The following CLEC4E variants were observed in gnomAD, a reference collection of about 807,000 sequenced individuals.
CLEC4E encodes the protein C-type lectin domain family 4 member E, also known as C-type (calcium dependent, carbohydrate-recognition domain) lectin, superfamily member 9.
In CLEC4E, 21 loss-of-function variants were observed where a neutral mutation model predicts 24.7. The observed-to-expected ratio is 0.85, with a 90% confidence interval of 0.60 to 1.22. CLEC4E has a LOEUF of 1.22. Among genes scored for constraint, CLEC4E ranks in the 50% most tolerant of loss-of-function variants. CLEC4E has a pLI of 0.00. For missense variants in CLEC4E, 249 were observed against 254.1 expected (o/e 0.98, Z 0.14); for synonymous variants, 94 against 85.7 (o/e 1.10, Z -0.54).
chr12:8,537,177 T>C lies in CLEC4E; in HGVS notation c.310A>G (p.Ser104Gly), dbSNP rs1342101710. 1 of 1,614,166 alleles carries C rather than the reference T, an allele frequency of 6.2e-7. No individual in the cohort carries two copies. Among genetic ancestry groups the C allele is most frequent in the Non-Finnish European group, 8.5e-7 (1 of 1,179,994 alleles). Residue 104 changes from serine to glycine, a missense_variant, in exon 4 of 6, where the codon AGT becomes GGT. Physicochemically the swap from Ser to Gly is moderately conservative, Grantham distance 56. Coordinates refer to ENST00000299663, the MANE Select transcript of CLEC4E (RefSeq NM_014358.4). The stretch of plus-strand genomic sequence containing the variant: ...CCCATGGCTGAGCAGTTCTTTAAAC[T>C]TAACGCCCAGGAAATGGTGTCAGTA... ...FSTDTISWALSLKNCSAMGAH... is the reference protein window; with the variant it reads ...FSTDTISWALGLKNCSAMGAH...
chr12:8,534,945 T>A (rs1408771167), intron 5 of CLEC4E, 136 bp from the exon 6 acceptor site: 1 of 692,202 alleles, frequency 1.4e-6, no homozygotes, highest in Admixed American at 3.4e-5. Flanking sequence ...GTCCATTTTA[T>A]TGAAGAAGAA....
chr12:8,540,822 T>C lies in CLEC4E; in HGVS notation c.-25A>G, dbSNP rs11834597. 264,710 of 1,475,384 alleles carry C rather than the reference T, an allele frequency of 0.18. 26,710 individuals carry two copies. The highest frequency in any genetic ancestry group is 0.45 in the African/African-American group (29,697 of 66,202). 91.4% of individuals were successfully genotyped at this position (1,475,384 alleles called of 1,614,324 possible). A position where few individuals can be genotyped will look rare whatever the true frequency, so the allele number is the denominator to read the frequency against. ...TTTTTTCTCTCTCTTTGGTTTTTTG[T>C]TTCTCTCTCTCTCTTTTTCTCTCCC... On this transcript the variant is annotated 5_prime_UTR_variant, in exon 1 of 6. Coordinates refer to ENST00000299663, the MANE Select transcript of CLEC4E (RefSeq NM_014358.4).
chr12:8,538,469 A>G (rs992470719), intron 3 of CLEC4E, among the ~76,000 whole-genome samples: 3 of 152,170 alleles, frequency 2.0e-5, no homozygotes, highest in South Asian at 4.1e-4. Flanking sequence ...CTTACCTATC[A>G]TTGGAGATGA....
At position 8,537,121 on chromosome 12, in the gene CLEC4E, C is replaced by T; in HGVS notation, c.366G>A (p.Glu122=). 1 of 1,611,284 alleles carries T rather than the reference C, an allele frequency of 6.2e-7. No homozygotes were observed. Among genetic ancestry groups the T allele is most frequent in the Non-Finnish European group, 8.5e-7 (1 of 1,178,140 alleles). ...ATCGGAGGACTCCAGCTACCTGCTC[C>T]TCCTGTGAGTTGATAACCACCAGGT... The part of the protein sequence containing the change: ...GAHLVVINSQ[E]EQEFLSYKKP... Residue 122 remains glutamate, a synonymous_variant, in exon 4 of 6, where the codon GAG becomes GAA. Coordinates refer to ENST00000299663, the MANE Select transcript of CLEC4E (RefSeq NM_014358.4).
chr12:8,539,511 A>G (rs1321085789), intron 2 of CLEC4E, among the ~76,000 whole-genome samples: 3 of 152,164 alleles, frequency 2.0e-5, no homozygotes, highest in African/African-American at 7.2e-5. Context: ...TCCAAAAGTA[A>G]TTAGTCATAT....
At chr12:8,536,017 C>G (rs1412476264) in intron 5 of CLEC4E, 73 bp downstream of exon 5, 3 of 850,762 alleles carry the variant, frequency 3.5e-6, no homozygotes, top group Non-Finnish European at 5.9e-6. Context: ...ATACCACCAC[C>G]AATAATGGAC....
At chr12:8,539,632 T>C (rs1940668027) in intron 2 of CLEC4E, among the ~76,000 whole-genome samples, 1 of 151,836 alleles carries the variant, frequency 6.6e-6, no homozygotes, top group Non-Finnish European at 1.5e-5. Flanking sequence ...AAGTGAAAAA[T>C]GTCTATCATG....
At position 8,536,023 on chromosome 12, in the gene CLEC4E, T is replaced by C. The variant is rs1940607440; in HGVS notation, c.488+67A>G. The C allele has an allele frequency of 1.2e-5, 11 of 892,048 alleles. No homozygotes were observed. The Admixed American group carries it at 1.7e-4, about 14-fold the overall frequency. 55.3% of individuals were successfully genotyped at this position (892,048 alleles called of 1,614,324 possible). On this transcript the variant is annotated intron_variant, in intron 5 of 5. Coordinates refer to ENST00000299663, the MANE Select transcript of CLEC4E (RefSeq NM_014358.4). ...CTGCATTTAATACCACCACCAATAATGGACCTGATCTATTGCAGGTAACAG... is the reference window on the plus strand; with the variant it reads ...CTGCATTTAATACCACCACCAATAACGGACCTGATCTATTGCAGGTAACAG...
At chr12:8,535,402 G>A (rs547604812) in intron 5 of CLEC4E, among the ~76,000 whole-genome samples, 27 of 152,010 alleles carry the variant, frequency 1.8e-4, no homozygotes, top group Non-Finnish European at 3.7e-4. Context: ...AATAATAAAT[G>A]AGAAAAAAAA....
chr12:8,534,759 G>A lies in CLEC4E; in HGVS notation c.539C>T (p.Ala180Val), dbSNP rs1940590310. 6.2e-7 allele frequency: 1 copy of A among 1,613,962 alleles called. No individual in the cohort carries two copies. Among genetic ancestry groups the A allele is most frequent in the Non-Finnish European group, 8.5e-7 (1 of 1,179,914 alleles). ...TGGGTTTGAAGAGTCTCTCATGGTG[G>A]CACAGTCCTCCAGGGTAGCTATGTT... ...PNNIATLEDC[A>V]TMRDSSNPRQ... The change falls in exon 6 of 6, where the codon GCC becomes GTC. Residue 180 changes from alanine to valine, a missense_variant. By Grantham distance (64) the Ala-to-Val change is moderately conservative. Transcript: ENST00000299663.
At position 8,534,329 on chromosome 12, in the gene CLEC4E, A is replaced by G. The variant is rs76501208; in HGVS notation, c.*309T>C. On this transcript the variant is annotated 3_prime_UTR_variant, in exon 6 of 6. Transcript: ENST00000299663. ...ACCTTCCAAAATCCCCTTCTTTGCTAGACTCTGTCTTGGCTCCGTGTCCCT... is the reference window on the plus strand; with the variant it reads ...ACCTTCCAAAATCCCCTTCTTTGCTGGACTCTGTCTTGGCTCCGTGTCCCT... 0.02 allele frequency: 3,383 copies of G among 172,970 alleles called. 118 individuals carry two copies. The highest frequency in any genetic ancestry group is 0.075 in the African/African-American group (3,173 of 42,146). The allele number at this position is 172,970 out of a possible 1,614,324, so 10.7% of individuals were successfully genotyped here.
intron 2 of CLEC4E, 99 bp downstream of exon 2, chr12:8,539,756 G>T: frequency 1.4e-6 from 1 of 740,582 alleles, no homozygotes; most frequent in Non-Finnish European, 2.3e-6. Context: ...GAAATAGAAA[G>T]ACCCTTTGAG....
In CLEC4E at chr12:8,539,042, G is replaced by A. The variant is rs1169933174; in HGVS notation, c.220+175C>T. 5.9e-6 allele frequency: 3 copies of A among 508,968 alleles called. No homozygotes were observed. In the East Asian group the frequency reaches 9.4e-5, roughly 16 times the overall value. The allele number at this position is 508,968 out of a possible 1,614,324, so 31.5% of individuals were successfully genotyped here. ...ATTTATTCTAAAAGTTTACTATAAT[G>A]TCCCCAAGACTTTCTGCCCCAATGC... On this transcript the variant is annotated intron_variant, in intron 3 of 5. Coordinates refer to ENST00000299663, the MANE Select transcript of CLEC4E (RefSeq NM_014358.4).
Position 8,540,005 on chromosome 12 carries a change from T to C in CLEC4E, c.38-58A>G, listed in dbSNP as rs78549087. 1,520 of 1,053,626 alleles carry C rather than the reference T, an allele frequency of 1.4e-3. 20 individuals are homozygous for C. The African/African-American group carries it at 0.02, about 14-fold the overall frequency. 65.3% of individuals were successfully genotyped at this position (1,053,626 alleles called of 1,614,324 possible). On this transcript the variant is annotated intron_variant, in intron 1 of 5. Transcript: ENST00000299663. ...TTCCCTAAGCAAGGTACAAAAGAGA[T>C]AGAAGAGATTCTTATTCATCCTTAC... is the stretch of plus-strand genomic sequence containing the variant.
At chr12:8,540,306 TA>T (rs1250227453) in intron 1 of CLEC4E, among the ~76,000 whole-genome samples, 1 of 152,204 alleles carries the variant, frequency 6.6e-6, no homozygotes, top group Non-Finnish European at 1.5e-5. Context: ...TTTTTTTCAG[TA>T]TTTTCTAAGG....
At position 8,536,155 on chromosome 12, in the gene CLEC4E, C is replaced by A. The variant is rs764422902; in HGVS notation, c.423G>T (p.Leu141=). Residue 141 remains leucine (L), a synonymous_variant, in exon 5 of 6, where the codon CTG becomes CTT. Transcript: ENST00000299663. ...ACTGACCCTCGACAACCTGGTCTGA[C>A]AGTCCAATAAAAAACTCTCTCATTT... is the stretch of plus-strand genomic sequence containing the variant. ...KPKMREFFIG[L]SDQVVEGQWQ... 40 of 1,613,246 alleles carry A rather than the reference C, an allele frequency of 2.5e-5. No homozygotes were observed. The highest frequency in any genetic ancestry group is 3.3e-5 in the Non-Finnish European group (39 of 1,179,508).
Position 8,537,386 on chromosome 12 carries a change from C to G in CLEC4E, c.221-120G>C, listed in dbSNP as rs1474529291. The G allele has an allele frequency of 6.4e-6, 5 of 776,028 alleles. No homozygotes were observed. In the African/African-American group the frequency reaches 7.0e-5, roughly 11 times the overall value. The allele number at this position is 776,028 out of a possible 1,614,324, so 48.1% of individuals were successfully genotyped here. A position where few individuals can be genotyped will look rare whatever the true frequency, so the allele number is the denominator to read the frequency against. ...AAGCCTTGGAATCACTTGTTCATAC[C>G]CTACATCTTAGTATCTAAGACTTTA... On this transcript the variant is annotated intron_variant, in intron 3 of 5. Transcript: ENST00000299663.
Position 8,539,270 on chromosome 12 carries a change from T to G in CLEC4E, c.167A>C (p.Lys56Thr). ...TGTGAAATTCTCAGGTAGCTGAAAC[T>G]TTTTCTCATCACAGGTTTGAAAGAT... The part of the protein sequence containing the change: ...FRIFQTCDEK[K>T]FQLPENFTEL... The change falls in exon 3 of 6, where the codon AAG becomes ACG. Residue 56 changes from lysine (K) to threonine (T), a missense_variant. Transcript: ENST00000299663. 5.6e-6 allele frequency: 9 copies of G among 1,613,386 alleles called. No homozygotes were observed. Among genetic ancestry groups the G allele is most frequent in the Non-Finnish European group, 7.6e-6 (9 of 1,179,444 alleles).
chr12:8,536,245 G>T, intron 4 of CLEC4E, 40 bp from the exon 5 acceptor site: 1 of 1,184,892 alleles, frequency 8.4e-7, no homozygotes, highest in Non-Finnish European at 1.3e-6. Flanking sequence ...AGTTATTTTA[G>T]TTTTGAATAA....
Sources: gnomAD v4.1 joint callset for allele counts (sites outside exome capture counted in the v4.1 genomes callset) on GRCh38, gnomAD v4.1.1 for gene constraint, MANE v1.5 for transcripts, NCBI Gene and HGNC (gene_info 2026-07-23, HGNC 2026-07-21) for gene names.